The following AGBL1 variants were observed in gnomAD, a reference collection of about 807,000 sequenced individuals.
AGBL1 encodes the protein cytosolic carboxypeptidase 4.
AGBL1 carries 130 observed loss-of-function variants against 118.9 expected under a neutral mutation model. That is an observed-to-expected ratio of 1.09 (90% CI 0.95 to 1.26). AGBL1 has a LOEUF of 1.26. Ranked by LOEUF, AGBL1 falls within the 50% of genes most tolerant of loss-of-function variation. The pLI, the probability that AGBL1 is intolerant of heterozygous loss-of-function variation, is 0.00. For synonymous variants in AGBL1, 555 were observed against 478.9 expected (o/e 1.16, Z -2.08); for missense variants, 1,584 against 1,298.1 (o/e 1.22, Z -3.38).
chr15:87,019,980 C>G (rs1355143773), intron 24 of AGBL1, among the ~76,000 whole-genome samples: 1 of 152,040 alleles, frequency 6.6e-6, no homozygotes, highest in East Asian at 1.9e-4. Context: ...ATACTATAAA[C>G]TCCTCTATGC....
At chr15:86,099,197 C>A (rs1052107786) in intron 1 of AGBL1, among the ~76,000 whole-genome samples, 4 of 151,916 alleles carry the variant, frequency 2.6e-5, no homozygotes, top group African/African-American at 4.8e-5. Flanking sequence ...GCAAAACAAA[C>A]CCAGAATGAG....
At chr15:86,585,650 G>C (rs1260069700) in intron 21 of AGBL1, among the ~76,000 whole-genome samples, 2 of 152,110 alleles carry the variant, frequency 1.3e-5, no homozygotes, top group South Asian at 2.1e-4. Flanking sequence ...AAAGGTATGA[G>C]CCATCTTACC....
At chr15:86,085,514 C>A (rs1042525588) in intron 1 of AGBL1, among the ~76,000 whole-genome samples, 1 of 152,150 alleles carries the variant, frequency 6.6e-6, no homozygotes, top group African/African-American at 2.4e-5. Context: ...AATTGCAGAG[C>A]TCTTTGGACT....
intron 22 of AGBL1, among the ~76,000 whole-genome samples, chr15:86,741,944 C>A (rs1367503106): frequency 6.6e-6 from 1 of 150,784 alleles, no homozygotes; most frequent in Non-Finnish European, 1.5e-5. Flanking sequence ...CTCTTCAGAT[C>A]TAGGTCCATA....
At chr15:86,797,605 T>G (rs1303852373) in intron 22 of AGBL1, among the ~76,000 whole-genome samples, 1 of 152,106 alleles carries the variant, frequency 6.6e-6, no homozygotes, top group African/African-American at 2.4e-5. Flanking sequence ...TTGAGATAGG[T>G]CAGGACAAAG....
intron 8 of AGBL1, among the ~76,000 whole-genome samples, chr15:86,257,416 T>A (rs2078913853): frequency 6.6e-6 from 1 of 152,232 alleles, no homozygotes; most frequent in South Asian, 2.1e-4. Context: ...TGCAGGCTAG[T>A]CATATTGGAA....
chr15:86,616,339 CAAAAAAAAAAAAAA>C (rs199936794), intron 21 of AGBL1, among the ~76,000 whole-genome samples: 3 of 49,256 alleles, frequency 6.1e-5, no homozygotes, highest in African/African-American at 2.1e-4. Flanking sequence ...TCCTCCACTT[CAAAAAAAAAAAAAA>C]AAAAAAAAAA....
intron 17 of AGBL1, chr15:86,299,786 G>A (rs1389320508): frequency 6.6e-6 from 1 of 151,998 alleles, no homozygotes; most frequent in Non-Finnish European, 1.5e-5. Context: ...TCTATCTTTA[G>A]TTTGTATACT....
chr15:86,432,589 T>C (rs2081947405), intron 18 of AGBL1, among the ~76,000 whole-genome samples: 1 of 152,208 alleles, frequency 6.6e-6, no homozygotes, highest in South Asian at 2.1e-4. Context: ...GTAATGTTGC[T>C]GGGTTTCTGT....
intron 12 of AGBL1, 68 bp from the exon 13 acceptor site, chr15:86,266,922 G>T (rs975317330): frequency 4.8e-6 from 6 of 1,252,100 alleles, no homozygotes; most frequent in African/African-American, 1.5e-5. Flanking sequence ...ATGAAAAAAA[G>T]AATCATCACA....
chr15:86,703,967 G>A (rs1233658643), intron 22 of AGBL1, among the ~76,000 whole-genome samples: 1 of 152,022 alleles, frequency 6.6e-6, no homozygotes, highest in Non-Finnish European at 1.5e-5. Flanking sequence ...ATAGAACAGA[G>A]ACCTCAGAAA....
At chr15:86,079,845 A>G, upstream of AGBL1, 1 of 544,596 alleles carries the variant, frequency 1.8e-6, no homozygotes, top group Non-Finnish European at 2.8e-6. Flanking sequence ...CACACTCAGC[A>G]GCATGTGCAG....
intron 23 of AGBL1, among the ~76,000 whole-genome samples, chr15:86,980,558 A>G (rs1435126274): frequency 6.6e-6 from 1 of 152,120 alleles, no homozygotes; most frequent in Non-Finnish European, 1.5e-5. Context: ...GAAAATCGTA[A>G]ACTTCTCTCC....
chr15:86,240,836 A>G (rs184212168), intron 6 of AGBL1, among the ~76,000 whole-genome samples: 35 of 152,280 alleles, frequency 2.3e-4, no homozygotes, highest in Admixed American at 1.2e-3. Flanking sequence ...TGTTCTCAGG[A>G]ATGATAGAGG....
intron 21 of AGBL1, among the ~76,000 whole-genome samples, chr15:86,561,629 C>T (rs937426619): frequency 6.6e-5 from 10 of 152,248 alleles, no homozygotes; most frequent in Admixed American, 5.9e-4. Context: ...ATTGTCTTGG[C>T]AATGCGGGCT....
intron 3 of AGBL1, among the ~76,000 whole-genome samples, chr15:86,146,691 C>T (rs1278605241): frequency 6.6e-6 from 1 of 152,162 alleles, no homozygotes; most frequent in African/African-American, 2.4e-5. Flanking sequence ...ACAGTTTCTG[C>T]CATCAAGGGG....
intron 22 of AGBL1, among the ~76,000 whole-genome samples, chr15:86,775,554 T>C (rs2078243105): frequency 6.6e-6 from 1 of 152,088 alleles, no homozygotes; most frequent in South Asian, 2.1e-4. Flanking sequence ...TATCTCATAC[T>C]CTCTGAAGAA....
At chr15:86,459,253 A>G (rs2082299550) in intron 18 of AGBL1, among the ~76,000 whole-genome samples, 1 of 152,120 alleles carries the variant, frequency 6.6e-6, no homozygotes, top group African/African-American at 2.4e-5. Flanking sequence ...CTTGCTGCCA[A>G]TGTGGTAAGA....
chr15:86,220,170 C>T (rs12900754), intron 5 of AGBL1, among the ~76,000 whole-genome samples: 83,480 of 151,786 alleles, frequency 0.55, 23,233 homozygotes, highest in South Asian at 0.74. Context: ...GCCAGGCTGG[C>T]GTTGAACTCT....
Sources: allele counts gnomAD v4.1 joint callset (sites outside exome capture counted in the v4.1 genomes callset), GRCh38; gene constraint gnomAD v4.1.1; transcripts MANE v1.5; gene names NCBI Gene and HGNC (gene_info 2026-07-23, HGNC 2026-07-21).